The following MAF variants were observed in gnomAD, a reference collection of about 807,000 sequenced individuals.
MAF encodes the protein MAF bZIP transcription factor.
A neutral mutation model predicts 22.0 loss-of-function variants in MAF; 10 were observed. That is an observed-to-expected ratio of 0.45 (90% CI 0.28 to 0.77). The LOEUF is 0.77. Among genes scored for constraint, MAF ranks in the 30% least tolerant of loss-of-function variants. The pLI, the probability that MAF is intolerant of heterozygous loss-of-function variation, is 0.12. For missense variants in MAF, 544 were observed against 548.4 expected, an observed-to-expected ratio of 0.99 and a Z score of 0.08; for synonymous variants, 337 against 255.8, an observed-to-expected ratio of 1.32 and a Z score of -3.03.
chr16:79,473,341 T>A, the MAF span, among the ~76,000 whole-genome samples: 3 of 152,114 alleles, frequency 2.0e-5, no homozygotes, highest in African/African-American at 7.2e-5. Context: ...ATAACAATGA[T>A]TGTTCCAGGA....
At chr16:79,442,046 C>T in the MAF span, among the ~76,000 whole-genome samples, 1 of 152,190 alleles carries the variant, frequency 6.6e-6, no homozygotes, top group African/African-American at 2.4e-5. Flanking sequence ...GGAGCTGAGA[C>T]AGAGGAATGG....
chr16:79,538,336 A>G, the MAF span, among the ~76,000 whole-genome samples: 10,151 of 152,284 alleles, frequency 0.067, 530 homozygotes, highest in Non-Finnish European at 0.088. Context: ...TTTGACAAAC[A>G]CTGTTAGAAA....
chr16:79,529,518 TAAC>T, the MAF span, among the ~76,000 whole-genome samples: 1 of 152,156 alleles, frequency 6.6e-6, no homozygotes, highest in African/African-American at 2.4e-5. Context: ...GCACTAATAA[TAAC>T]AACAACAATG....
At chr16:79,444,797 A>G in the MAF span, among the ~76,000 whole-genome samples, 2 of 152,170 alleles carry the variant, frequency 1.3e-5, no homozygotes, top group Non-Finnish European at 2.9e-5. Flanking sequence ...TCCCCTTATC[A>G]TAGCAACTAG....
chr16:79,359,583 C>T, the MAF span, among the ~76,000 whole-genome samples: 1 of 152,178 alleles, frequency 6.6e-6, no homozygotes, highest in African/African-American at 2.4e-5. Flanking sequence ...TCTTTGAATG[C>T]ACCCAGCTAA....
chr16:79,417,633 G>A, the MAF span, among the ~76,000 whole-genome samples: 5 of 152,118 alleles, frequency 3.3e-5, no homozygotes, highest in South Asian at 6.2e-4. Flanking sequence ...CAGCCCTACC[G>A]AGCCTGCCTA....
the MAF span, among the ~76,000 whole-genome samples, chr16:79,501,495 T>C: frequency 3.9e-4 from 60 of 152,202 alleles, no homozygotes; most frequent in Admixed American, 3.9e-3. Flanking sequence ...GCAGTTAATC[T>C]AGCAGAAGTC....
At chr16:79,307,101 C>G in the MAF span, among the ~76,000 whole-genome samples, 1 of 152,182 alleles carries the variant, frequency 6.6e-6, no homozygotes, top group East Asian at 1.9e-4. Context: ...TCTTTTTCCA[C>G]TCAAGAAACA....
chr16:79,308,141 C>T, the MAF span, among the ~76,000 whole-genome samples: 1 of 152,174 alleles, frequency 6.6e-6, no homozygotes. Context: ...GCCCTGCTGA[C>T]CCAATCGATG....
chr16:79,533,143 C>T, the MAF span, among the ~76,000 whole-genome samples: 1 of 152,126 alleles, frequency 6.6e-6, no homozygotes, highest in East Asian at 1.9e-4. Flanking sequence ...TAGTCTGTAG[C>T]CATGGATCAA....
chr16:79,336,943 G>A, the MAF span, among the ~76,000 whole-genome samples: 1 of 152,246 alleles, frequency 6.6e-6, no homozygotes, highest in Non-Finnish European at 1.5e-5. Context: ...GGTTCCACAC[G>A]TTAAAGCAAG....
chr16:79,214,738 A>T, the MAF span, among the ~76,000 whole-genome samples: 2 of 80,578 alleles, frequency 2.5e-5, no homozygotes, highest in East Asian at 7.4e-4. Flanking sequence ...TTTGAGACAG[A>T]ATCTCACTCT....
chr16:79,314,271 G>A, the MAF span, among the ~76,000 whole-genome samples: 22,014 of 152,146 alleles, frequency 0.14, 2,202 homozygotes, highest in African/African-American at 0.28. Context: ...GCACATTTGA[G>A]GTGACCTCCT....
At chr16:79,267,117 C>A in the MAF span, among the ~76,000 whole-genome samples, 1 of 152,226 alleles carries the variant, frequency 6.6e-6, no homozygotes, top group African/African-American at 2.4e-5. Flanking sequence ...AGCTAAGAGA[C>A]CCCAACATCT....
chr16:79,204,525 CAT>C, the MAF span: 4 of 152,162 alleles, frequency 2.6e-5, no homozygotes, highest in Admixed American at 2.6e-4. Flanking sequence ...TAAGGCTAGA[CAT>C]AAATCTATCA....
the MAF span, among the ~76,000 whole-genome samples, chr16:79,397,646 C>T: frequency 1.3e-5 from 2 of 152,178 alleles, no homozygotes; most frequent in African/African-American, 4.8e-5. Context: ...TTCCTGACAT[C>T]CAGGGCTTGC....
the MAF span, among the ~76,000 whole-genome samples, chr16:79,279,549 G>C: frequency 1.8e-4 from 27 of 152,242 alleles, 1 homozygote; most frequent in Middle Eastern, 6.8e-3. Flanking sequence ...ACTGCAGGTG[G>C]ATCCTGGGCT....
chr16:79,507,185 C>T, the MAF span, among the ~76,000 whole-genome samples: 2 of 150,722 alleles, frequency 1.3e-5, no homozygotes, highest in Non-Finnish European at 1.5e-5. Flanking sequence ...GTGATCTCGG[C>T]CCACTGCAAG....
the MAF span, among the ~76,000 whole-genome samples, chr16:79,228,297 G>A: frequency 5.3e-5 from 8 of 152,170 alleles, no homozygotes; most frequent in East Asian, 1.3e-3. Context: ...CAAGGAAAGC[G>A]TGAATACCTA....
Sources: gnomAD v4.1 joint callset for allele counts (sites outside exome capture counted in the v4.1 genomes callset) on GRCh38, gnomAD v4.1.1 for gene constraint, MANE v1.5 for transcripts, NCBI Gene and HGNC (gene_info 2026-07-23, HGNC 2026-07-21) for gene names.